ITGA9: variants seen among roughly 807,000 people sequenced by gnomAD.
ITGA9 encodes the protein integrin alpha-9.
In ITGA9, 56 loss-of-function variants were observed where a neutral mutation model predicts 127.8. That is an observed-to-expected ratio of 0.44 (90% CI 0.35 to 0.55). ITGA9 has a LOEUF of 0.55. Among genes scored for constraint, ITGA9 ranks in the 20% least tolerant of loss-of-function variants. ITGA9 has a pLI of 0.00. For synonymous variants in ITGA9, 508 were observed against 514.5 expected (o/e 0.99, Z 0.17); for missense variants, 1,196 against 1,347.1 (o/e 0.89, Z 1.76).
intron 14 of ITGA9, among the ~76,000 whole-genome samples, chr3:37,541,474 T>C (rs1009720031): frequency 6.6e-6 from 1 of 152,236 alleles, no homozygotes; most frequent in Non-Finnish European, 1.5e-5. Flanking sequence ...TATTTACTTA[T>C]TGACTCTGAA....
chr3:37,672,256 C>T (rs766806367), intron 17 of ITGA9, among the ~76,000 whole-genome samples: 102 of 130,940 alleles, frequency 7.8e-4, no homozygotes, highest in Non-Finnish European at 1.4e-3. Flanking sequence ...TCCCGTAATT[C>T]CCACATGTTG....
chr3:37,524,585 G>A (rs1323568466), intron 12 of ITGA9, among the ~76,000 whole-genome samples: 1 of 152,198 alleles, frequency 6.6e-6, no homozygotes, highest in Non-Finnish European at 1.5e-5. Context: ...TGGAAAATTT[G>A]TGGCCATCCC....
chr3:37,471,439 T>C lies in ITGA9; in HGVS notation c.313+305T>C, dbSNP rs532569817. ...AGGTGAGTATTTGATTTAATCTAGA[T>C]AGGAGGGTCAAGAAAGGTCTGGGAC... On this transcript the variant is annotated intron_variant, in intron 2 of 27. Coordinates refer to ENST00000264741, the MANE Select transcript of ITGA9 (RefSeq NM_002207.3). Among the ~76,000 whole-genome samples, 8 of 152,146 alleles carry C rather than the reference T, an allele frequency of 5.3e-5. No homozygotes were observed. In the East Asian group the frequency reaches 1.4e-3, roughly 26 times the overall value.
At chr3:37,453,081 T>C (rs1266796244) in intron 1 of ITGA9, among the ~76,000 whole-genome samples, 1 of 141,210 alleles carries the variant, frequency 7.1e-6, no homozygotes, top group Non-Finnish European at 1.5e-5. Flanking sequence ...GTGTCTGGGA[T>C]CCACTGGGGC....
intron 3 of ITGA9, among the ~76,000 whole-genome samples, chr3:37,477,687 G>C (rs1029827409): frequency 6.6e-6 from 1 of 152,200 alleles, no homozygotes; most frequent in African/African-American, 2.4e-5. Flanking sequence ...AATAACCACT[G>C]AACAAACTCT....
intron 16 of ITGA9, among the ~76,000 whole-genome samples, chr3:37,646,481 G>A (rs1052898966): frequency 2.0e-5 from 3 of 152,368 alleles, no homozygotes; most frequent in African/African-American, 7.2e-5. Flanking sequence ...CCATGAGGCT[G>A]AGGAGGCCAC....
chr3:37,619,670 G>C (rs1700109221), intron 15 of ITGA9, among the ~76,000 whole-genome samples: 1 of 152,184 alleles, frequency 6.6e-6, no homozygotes, highest in Non-Finnish European at 1.5e-5. Context: ...GTTTTTGTCA[G>C]TTAGGAGTCT....
intron 26 of ITGA9, among the ~76,000 whole-genome samples, chr3:37,786,976 A>C (rs887012857): frequency 2.6e-5 from 4 of 152,212 alleles, no homozygotes; most frequent in Non-Finnish European, 5.9e-5. Context: ...GATAGAAACC[A>C]AATGGAATGA....
intron 25 of ITGA9, among the ~76,000 whole-genome samples, chr3:37,780,222 A>G (rs1384154640): frequency 1.3e-5 from 2 of 152,180 alleles, no homozygotes; most frequent in African/African-American, 2.4e-5. Context: ...GACTTCTTAT[A>G]TGAATATATT....
chr3:37,521,842 G>A (rs1404904310), intron 11 of ITGA9, among the ~76,000 whole-genome samples: 4 of 152,212 alleles, frequency 2.6e-5, no homozygotes, highest in Non-Finnish European at 4.4e-5. Flanking sequence ...GAGCCATGTG[G>A]GATGTAGGGC....
chr3:37,593,893 GC>G (rs1449785126), intron 15 of ITGA9, among the ~76,000 whole-genome samples: 1 of 152,142 alleles, frequency 6.6e-6, no homozygotes, highest in Non-Finnish European at 1.5e-5. Context: ...CTTGGCCTTG[GC>G]CTCTTTGCTT....
In ITGA9 at chr3:37,616,623, G is replaced by A. The variant is rs9682266; in HGVS notation, c.1690-12564G>A. Among the ~76,000 whole-genome samples the A allele has an allele frequency of 2.3e-3, 353 of 151,466 alleles. 1 individual carries two copies. The highest frequency in any genetic ancestry group is 8.1e-3 in the African/African-American group (335 of 41,234). ...TGAGTCTCTTTGTAGGTCACTAAGG[G>A]CTTGCTTTATGAATCTGGGTGCTCC... On this transcript the variant is annotated intron_variant, in intron 15 of 27. Transcript: ENST00000264741.
chr3:37,771,805 C>G (rs1468278833), intron 23 of ITGA9, among the ~76,000 whole-genome samples: 1 of 151,962 alleles, frequency 6.6e-6, no homozygotes, highest in African/African-American at 2.4e-5. Flanking sequence ...AGGCAGGAGT[C>G]ATTTTTTTTT....
intron 16 of ITGA9, among the ~76,000 whole-genome samples, chr3:37,650,463 G>T (rs1700419093): frequency 6.6e-6 from 1 of 151,976 alleles, no homozygotes; most frequent in Non-Finnish European, 1.5e-5. Flanking sequence ...ATGGAGTTTT[G>T]TTCTTATTGC....
chr3:37,722,403 G>A (rs1258407287), intron 18 of ITGA9, among the ~76,000 whole-genome samples: 10 of 152,174 alleles, frequency 6.6e-5, no homozygotes, highest in Non-Finnish European at 1.3e-4. Context: ...TATTGCCAGA[G>A]TCAATTTTAG....
chr3:37,664,673 A>G (rs1700568576), intron 17 of ITGA9, among the ~76,000 whole-genome samples: 2 of 151,490 alleles, frequency 1.3e-5, no homozygotes, highest in Non-Finnish European at 1.5e-5. Context: ...AAATGTTGGG[A>G]TTACAGGCAT....
rs566527401 is a variant in ITGA9, at chr3:37,581,961, G to A, written c.1689+39376G>A. On this transcript the variant is annotated intron_variant, in intron 15 of 27. Coordinates refer to ENST00000264741, the MANE Select transcript of ITGA9 (RefSeq NM_002207.3). Reference sequence around the variant, plus strand: ...AGAAACACTGTCCTGGAGGTAAGCAGCCCCTGTTCTGGTTCTTTTTCTTCC... The same window carrying A: ...AGAAACACTGTCCTGGAGGTAAGCAACCCCTGTTCTGGTTCTTTTTCTTCC... Among the ~76,000 whole-genome samples, 14 of 152,300 alleles carry A rather than the reference G, an allele frequency of 9.2e-5. No individual in the cohort carries two copies. In the South Asian group the frequency reaches 2.9e-3, roughly 32 times the overall value.
intron 14 of ITGA9, 28 bp from the exon 15 acceptor site, chr3:37,542,397 G>T: frequency 6.2e-7 from 1 of 1,612,292 alleles, no homozygotes; most frequent in South Asian, 1.1e-5. Flanking sequence ...GGTCCTTTCT[G>T]ACATTTTGAC....
intron 15 of ITGA9, among the ~76,000 whole-genome samples, chr3:37,553,970 C>G (rs952959189): frequency 6.6e-6 from 1 of 152,086 alleles, no homozygotes; most frequent in Non-Finnish European, 1.5e-5. Context: ...TTCAGTGACT[C>G]GAGGATGTTC....
Sources: gnomAD v4.1 joint callset for allele counts (sites outside exome capture counted in the v4.1 genomes callset) on GRCh38, gnomAD v4.1.1 for gene constraint, MANE v1.5 for transcripts, NCBI Gene and HGNC (gene_info 2026-07-23, HGNC 2026-07-21) for gene names.